Variants in ABCD2 observed in about 807,000 individuals in gnomAD.
The protein encoded by ABCD2 is ATP-binding cassette sub-family D member 2.
Under a neutral mutation model 70.9 loss-of-function variants are expected in ABCD2, and 36 were observed. The ratio of observed to expected loss-of-function variants is 0.51; its 90% CI spans 0.39 to 0.67. ABCD2 has a LOEUF of 0.67. ABCD2 is among the 30% of genes least tolerant of loss of function. The probability of loss-of-function intolerance (pLI) is 0.00; values close to 1 mark genes in which losing one functional copy is unlikely to be tolerated. For synonymous variants in ABCD2, 304 were observed against 306.9 expected (o/e 0.99, Z 0.10); for missense variants, 729 against 890.2 (o/e 0.82, Z 2.30).
intron 6 of ABCD2, among the ~76,000 whole-genome samples, chr12:39,595,183 CTG>C (rs1399379214): frequency 6.6e-6 from 1 of 152,112 alleles, no homozygotes; most frequent in Admixed American, 6.5e-5. Flanking sequence ...GTAATACAGA[CTG>C]TGTTATGATT....
intron 9 of ABCD2, among the ~76,000 whole-genome samples, chr12:39,561,423 T>C (rs1381187494): frequency 6.7e-6 from 1 of 149,736 alleles, no homozygotes; most frequent in Non-Finnish European, 1.5e-5. Context: ...AGTGTCTGGA[T>C]TAAAAAGCAA....
downstream of ABCD2, among the ~76,000 whole-genome samples, chr12:39,547,410 G>C (rs1186688221): frequency 1.3e-5 from 2 of 152,104 alleles, no homozygotes; most frequent in Non-Finnish European, 2.9e-5. Flanking sequence ...CAATAGCCAA[G>C]AGGCTGAAGC....
chr12:39,562,247 G>C (rs986847985), intron 9 of ABCD2, among the ~76,000 whole-genome samples: 1 of 151,896 alleles, frequency 6.6e-6, no homozygotes, highest in African/African-American at 2.4e-5. Context: ...GATTAAAAAT[G>C]TCAAATAAAC....
chr12:39,568,905 TTGTC>T (rs1260854330), intron 9 of ABCD2, among the ~76,000 whole-genome samples: 1 of 152,190 alleles, frequency 6.6e-6, no homozygotes, highest in Non-Finnish European at 1.5e-5. Flanking sequence ...CAGACCCTGT[TTGTC>T]TGGGTATCAG....
intron 9 of ABCD2, among the ~76,000 whole-genome samples, chr12:39,564,890 C>G (rs918591844): frequency 2.0e-5 from 3 of 152,168 alleles, no homozygotes; most frequent in African/African-American, 7.2e-5. Flanking sequence ...ATAGGGAATC[C>G]TTTCCCCATT....
chr12:39,586,179 G>T lies in ABCD2; in HGVS notation c.1765C>A (p.Leu589Ile), dbSNP rs760934544. Residue 589 changes from leucine (L) to isoleucine (I), a missense_variant, in exon 7 of 10, where the codon CTC becomes ATC. Physicochemically the swap from Leu to Ile is conservative, Grantham distance 5 (BLOSUM62 2). Coordinates refer to ENST00000308666, the MANE Select transcript of ABCD2 (RefSeq NM_005164.4). ...DLERILHNVH[L>I]YHIVQREGGW... ...CCTTCTCTTTGAACTATGTGATAGA[G>T]ATGGACATTGTGTAGGATACGTTCC... 16 of 1,612,900 alleles carry T rather than the reference G, an allele frequency of 9.9e-6. No homozygotes were observed. In the East Asian group the frequency reaches 3.6e-4, roughly 36 times the overall value.
intron 1 of ABCD2, among the ~76,000 whole-genome samples, chr12:39,618,369 TAA>T (rs1942146146): frequency 6.6e-6 from 1 of 152,220 alleles, no homozygotes; most frequent in African/African-American, 2.4e-5. Context: ...AGTTGGGATT[TAA>T]GTTTTAAGAA....
intron 9 of ABCD2, among the ~76,000 whole-genome samples, chr12:39,571,355 A>T (rs1290397567): frequency 2.6e-5 from 4 of 152,172 alleles, no homozygotes; most frequent in Non-Finnish European, 5.9e-5. Context: ...AAAGAATGTT[A>T]TATATATACA....
At chr12:39,589,298 GT>G (rs1941709823) in intron 6 of ABCD2, among the ~76,000 whole-genome samples, 1 of 150,274 alleles carries the variant, frequency 6.7e-6, no homozygotes, top group African/African-American at 2.4e-5. Flanking sequence ...AATTCAAAAT[GT>G]TTATATTTTA....
chr12:39,593,665 A>T (rs1178954273), intron 6 of ABCD2, among the ~76,000 whole-genome samples: 1 of 152,158 alleles, frequency 6.6e-6, no homozygotes. Context: ...TTTCTGCAGA[A>T]CTTCTGAAAT....
intron 6 of ABCD2, 141 bp downstream of exon 6, chr12:39,600,430 G>A (rs777352962): frequency 1.6e-4 from 129 of 794,190 alleles, no homozygotes; most frequent in Middle Eastern, 3.9e-4. Flanking sequence ...AAATATTTTG[G>A]GCTAAGTGAA....
At chr12:39,569,402 C>T (rs567604718) in intron 9 of ABCD2, among the ~76,000 whole-genome samples, 4 of 152,326 alleles carry the variant, frequency 2.6e-5, no homozygotes, top group Non-Finnish European at 4.4e-5. Flanking sequence ...AGCAAGGCTC[C>T]GTGGGCATAG....
chr12:39,612,360 G>T (rs945623055), intron 2 of ABCD2, among the ~76,000 whole-genome samples: 1 of 152,084 alleles, frequency 6.6e-6, no homozygotes, highest in Admixed American at 6.6e-5. Context: ...AAATAAAATG[G>T]TATAGTCATA....
intron 9 of ABCD2, among the ~76,000 whole-genome samples, chr12:39,567,280 G>A (rs986223669): frequency 6.6e-6 from 1 of 152,120 alleles, no homozygotes; most frequent in Non-Finnish European, 1.5e-5. Context: ...CTCTTTCTAG[G>A]TCTCTGAGGA....
intron 7 of ABCD2, among the ~76,000 whole-genome samples, chr12:39,580,131 A>G (rs1941576695): frequency 6.6e-6 from 1 of 152,118 alleles, no homozygotes. Flanking sequence ...GGAGTAATCG[A>G]CATGTCTAGG....
At chr12:39,614,554 T>C (rs1246075884) in intron 2 of ABCD2, among the ~76,000 whole-genome samples, 1 of 150,152 alleles carries the variant, frequency 6.7e-6, no homozygotes, top group Non-Finnish European at 1.5e-5. Context: ...TTTTCTACCT[T>C]TTTTTTTTGC....
chr12:39,557,331 A>G lies in ABCD2; in HGVS notation c.2004-3200T>C, dbSNP rs12296523. ...AGGCAGAAGAAATTTCTAAGCAGCAAAGCATTTAAGATGTAATCTGGGTGC... is the reference window on the plus strand; with the variant it reads ...AGGCAGAAGAAATTTCTAAGCAGCAGAGCATTTAAGATGTAATCTGGGTGC... On this transcript the variant is annotated intron_variant, in intron 9 of 9. Transcript: ENST00000308666. Among the ~76,000 whole-genome samples the G allele has an allele frequency of 2.8e-3, 421 of 152,300 alleles. 4 individuals carry two copies. The highest frequency in any genetic ancestry group is 9.7e-3 in the African/African-American group (404 of 41,556).
the ABCD2 span, among the ~76,000 whole-genome samples, chr12:39,541,424 G>A: frequency 2.0e-5 from 3 of 152,182 alleles, no homozygotes; most frequent in African/African-American, 7.2e-5. Context: ...AGACTCTTGC[G>A]ATGCGAGGAG....
At chr12:39,567,268 G>T (rs1941365893) in intron 9 of ABCD2, among the ~76,000 whole-genome samples, 1 of 152,170 alleles carries the variant, frequency 6.6e-6, no homozygotes, top group Non-Finnish European at 1.5e-5. Flanking sequence ...AGGAGTCTAA[G>T]TCTCTTTCTA....
Sources: allele counts gnomAD v4.1 joint callset (sites outside exome capture counted in the v4.1 genomes callset), GRCh38; gene constraint gnomAD v4.1.1; transcripts MANE v1.5; gene names NCBI Gene and HGNC (gene_info 2026-07-23, HGNC 2026-07-21).